ADSL: variants seen among roughly 807,000 people sequenced by gnomAD.
The protein encoded by ADSL is adenylosuccinase.
In ADSL, 44 loss-of-function variants were observed where a neutral mutation model predicts 62.1. The observed-to-expected ratio is 0.71, with a 90% CI of 0.56 to 0.91. The LOEUF (loss-of-function observed/expected upper bound fraction) is 0.91. Ranked by LOEUF, ADSL falls within the 40% of genes least tolerant of loss-of-function variation. The pLI, the probability that ADSL is intolerant of heterozygous loss-of-function variation, is 0.00. For missense variants in ADSL, 531 were observed against 627.4 expected, an observed-to-expected ratio of 0.85 and a Z score of 1.64; for synonymous variants, 198 against 220.5, an observed-to-expected ratio of 0.90 and a Z score of 0.90.
intron 11 of ADSL, 115 bp from the exon 12 acceptor site, chr22:40,364,765 A>G: frequency 9.3e-7 from 1 of 1,079,592 alleles, no homozygotes; most frequent in African/African-American, 1.6e-5. Flanking sequence ...CTCAGCCTAG[A>G]GGGGTTTTGT....
intron 2 of ADSL, among the ~76,000 whole-genome samples, chr22:40,375,666 A>T (rs1427488038): frequency 2.7e-5 from 4 of 147,704 alleles, no homozygotes; most frequent in Admixed American, 1.3e-4. Context: ...AAGACAGAGA[A>T]TTTTTTTTTT....
At chr22:40,361,238 G>C in intron 7 of ADSL, 35 bp from the exon 8 acceptor site, 2 of 1,597,110 alleles carry the variant, frequency 1.3e-6, no homozygotes, top group Non-Finnish European at 1.7e-6. Context: ...CACACTGACA[G>C]TGTGGGGTGA....
chr22:40,360,726 CT>C (rs11431892), intron 7 of ADSL, among the ~76,000 whole-genome samples: 1 of 147,632 alleles, frequency 6.8e-6, no homozygotes, highest in Non-Finnish European at 1.5e-5. Flanking sequence ...TTAAATTAAT[CT>C]TTTTTTTTTT....
rs1197709437 is a variant in ADSL at position 40,380,529 on chromosome 22, G to A, written c.90-9701G>A. Among the ~76,000 whole-genome samples, 3 of 152,012 alleles carry A rather than the reference G, an allele frequency of 2.0e-5. 1 individual carries two copies. In the South Asian group the frequency reaches 6.2e-4, roughly 32 times the overall value. ...TTAGAGGCATGCCCCATGACACCTG[G>A]CTAATTCTTGTATTTCTAATAGAGA... On this transcript the variant is annotated intron_variant, in intron 2 of 2. Coordinates refer to the ADSL transcript ENST00000498234.
chr22:40,365,042 C>G lies in ADSL; in HGVS notation c.1354C>G (p.Arg452Gly), dbSNP rs572438339. The G allele has an allele frequency of 3.1e-6, 5 of 1,613,738 alleles. No individual in the cohort carries two copies. The highest frequency in any genetic ancestry group is 1.7e-5 in the Admixed American group (1 of 60,000). The change falls in exon 12 of 13, where the codon CGT becomes GGT. Residue 452 changes from arginine to glycine, a missense_variant. Physicochemically the swap from Arg to Gly is moderately radical, Grantham distance 125 (BLOSUM62 -2). This residue lies in a region of ADSL where 471 missense variants were observed against 592.9 expected (regional missense o/e 0.79). Transcript: ENST00000623063. ...HLLDPSSFTG[R>G]ASQQVQRFLE... Reference sequence around the variant, plus strand: ...ACTGGATCCTTCTTCTTTCACTGGTCGTGCCTCCCAGCAGGTAAGCTTCCA... The same window carrying G: ...ACTGGATCCTTCTTCTTTCACTGGTGGTGCCTCCCAGCAGGTAAGCTTCCA...
At chr22:40,387,254 A>G in intron 2 of ADSL, 1 of 398,582 alleles carries the variant, frequency 2.5e-6, no homozygotes, top group Non-Finnish European at 4.4e-6. Flanking sequence ...TCACTGCCAC[A>G]GAGTATAATA....
At chr22:40,370,877 G>A (rs1004977444), downstream of ADSL, among the ~76,000 whole-genome samples, 3 of 152,196 alleles carry the variant, frequency 2.0e-5, no homozygotes, top group East Asian at 1.9e-4. Flanking sequence ...CGTTGGAATG[G>A]GGGCCGGGGA....
At chr22:40,361,206 T>G in intron 7 of ADSL, 67 bp from the exon 8 acceptor site, 1 of 1,481,222 alleles carries the variant, frequency 6.8e-7, no homozygotes, top group Non-Finnish European at 9.4e-7. Flanking sequence ...ATCAGCCTAG[T>G]CACAGCTCCC....
chr22:40,378,811 G>A (rs1431373651), intron 2 of ADSL, among the ~76,000 whole-genome samples: 2 of 151,966 alleles, frequency 1.3e-5, no homozygotes, highest in South Asian at 2.1e-4. Flanking sequence ...TTCTGAGATC[G>A]TGATTCTCTG....
rs763112034 is a variant in ADSL, at chr22:40,359,055, C to T, written c.654+20C>T. ...CATAAGGTATTCTGAAAGTGACCTG[C>T]AGGACACAGAAACTCAATGGTGGAG... On this transcript the variant is annotated intron_variant, in intron 5 of 12. Transcript: ENST00000623063. 2.5e-6 allele frequency: 4 copies of T among 1,613,674 alleles called. No individual in the cohort carries two copies. The South Asian group carries it at 3.3e-5, about 13-fold the overall frequency.
chr22:40,358,970 G>T lies in ADSL; in HGVS notation c.589G>T (p.Gly197Ter). 6.2e-7 allele frequency: 1 copy of T among 1,614,150 alleles called. No individual in the cohort carries two copies. The highest frequency in any genetic ancestry group is 8.5e-7 in the Non-Finnish European group (1 of 1,180,034). ...TGTCCGAGATGACCTGCGCTTCCGG[G>T]GAGTAAAGGGTACCACTGGCACTCA... ...KRVRDDLRFR[G>*]VKGTTGTQAS... The change falls in exon 5 of 13, where the codon GGA becomes TGA. Residue 197 changes from glycine to a stop codon, truncating the protein, a stop_gained. Transcript: ENST00000623063. LOFTEE classifies it high-confidence loss of function.
intron 1 of ADSL, chr22:40,348,612 C>T (rs1322404740): frequency 2.5e-6 from 1 of 398,472 alleles, no homozygotes; most frequent in Non-Finnish European, 4.4e-6. Context: ...AACTTCTGGA[C>T]TCAAGCGATC....
chr22:40,349,712 T>G, intron 1 of ADSL, 120 bp from the exon 2 acceptor site: 1 of 922,274 alleles, frequency 1.1e-6, no homozygotes, highest in Non-Finnish European at 1.7e-6. Context: ...CAAATTTTAA[T>G]TTAAGGGTTG....
chr22:40,377,767 G>A (rs966101538), intron 2 of ADSL, among the ~76,000 whole-genome samples: 8 of 151,536 alleles, frequency 5.3e-5, no homozygotes, highest in Non-Finnish European at 7.4e-5. Flanking sequence ...GATTACTTGA[G>A]CTTGGGAGGT....
At chr22:40,355,183 C>A (rs2146641465) in intron 4 of ADSL, among the ~76,000 whole-genome samples, 1 of 152,262 alleles carries the variant, frequency 6.6e-6, no homozygotes, top group Non-Finnish European at 1.5e-5. Context: ...GTTGCCCAGG[C>A]TGGAGTGCAG....
intron 9 of ADSL, among the ~76,000 whole-genome samples, chr22:40,362,161 T>C (rs1198628903): frequency 6.6e-6 from 1 of 152,216 alleles, no homozygotes; most frequent in Non-Finnish European, 1.5e-5. Flanking sequence ...CAGAAATAAT[T>C]TGTAACTACT....
At chr22:40,370,849 C>G (rs2045290364), downstream of ADSL, among the ~76,000 whole-genome samples, 1 of 152,196 alleles carries the variant, frequency 6.6e-6, no homozygotes, top group Non-Finnish European at 1.5e-5. Flanking sequence ...GCCGCCGGGC[C>G]GACCTTGCTC....
At chr22:40,350,152 CAG>C (rs1231989716) in intron 2 of ADSL, 117 bp downstream of exon 2, 3 of 945,798 alleles carry the variant, frequency 3.2e-6, no homozygotes, top group Non-Finnish European at 4.8e-6. Flanking sequence ...TTTTTTGAGG[CAG>C]AGTCTCCCTC....
At chr22:40,360,614 T>C in intron 7 of ADSL, 122 bp downstream of exon 7, 1 of 734,018 alleles carries the variant, frequency 1.4e-6, no homozygotes, top group Middle Eastern at 2.4e-4. Context: ...GTTTTAATAA[T>C]TTGTGGTCTG....
Sources: allele counts gnomAD v4.1 joint callset (sites outside exome capture counted in the v4.1 genomes callset), GRCh38; gene constraint gnomAD v4.1.1; regional missense constraint gnomAD v4.1.1; transcripts MANE v1.5; gene names NCBI Gene and HGNC (gene_info 2026-07-23, HGNC 2026-07-21).